The following ALDH1L1 variants were observed in gnomAD, a reference collection of about 807,000 sequenced individuals.
ALDH1L1 encodes the protein cytosolic 10-formyltetrahydrofolate dehydrogenase.
A neutral mutation model predicts 101.1 loss-of-function variants in ALDH1L1; 68 were observed. The ratio of observed to expected loss-of-function variants is 0.67; its 90% CI spans 0.55 to 0.82. ALDH1L1 has a LOEUF of 0.82. ALDH1L1 is among the 40% of genes least tolerant of loss of function. The pLI is 0.00. For missense variants in ALDH1L1, 1,087 were observed against 1,172.7 expected (o/e 0.93, Z 1.07); for synonymous variants, 486 against 470.8 (o/e 1.03, Z -0.42).
At chr3:126,137,997 G>T (rs1312144049) in intron 9 of ALDH1L1, 37 bp from the exon 10 acceptor site, 2 of 1,612,028 alleles carry the variant, frequency 1.2e-6, no homozygotes, top group Admixed American at 3.3e-5. Flanking sequence ...GACACGGGAG[G>T]GGCTCAGCAG....
chr3:126,114,741 G>T, intron 17 of ALDH1L1, 85 bp from the exon 18 acceptor site: 1 of 1,279,184 alleles, frequency 7.8e-7, no homozygotes, highest in African/African-American at 1.5e-5. Context: ...ACCTGGGTAG[G>T]CCCAAAGCAT....
intron 1 of ALDH1L1, among the ~76,000 whole-genome samples, chr3:126,170,556 T>C (rs1364313641): frequency 6.6e-6 from 1 of 151,916 alleles, no homozygotes; most frequent in Non-Finnish European, 1.5e-5. Flanking sequence ...ACCGACAGAA[T>C]CATGGCCATT....
chr3:126,160,512 G>T, intron 2 of ALDH1L1: 1 of 242,990 alleles, frequency 4.1e-6, no homozygotes, highest in Non-Finnish European at 7.9e-6. Flanking sequence ...TTCAGAATAT[G>T]GACCCCCAGT....
chr3:126,116,303 C>T (rs2108199164), intron 17 of ALDH1L1, among the ~76,000 whole-genome samples: 1 of 151,596 alleles, frequency 6.6e-6, no homozygotes, highest in Middle Eastern at 3.4e-3. Flanking sequence ...GAGTGCAGTG[C>T]GTGATCTCGG....
At chr3:126,137,671 G>A in intron 10 of ALDH1L1, 142 bp downstream of exon 10, 1 of 1,198,630 alleles carries the variant, frequency 8.3e-7, no homozygotes, top group Non-Finnish European at 1.2e-6. Flanking sequence ...CCGGGTGCAG[G>A]GAGAGTGTGG....
At chr3:126,132,256 C>CG in intron 12 of ALDH1L1, among the ~76,000 whole-genome samples, 1 of 152,298 alleles carries the variant, frequency 6.6e-6, no homozygotes, top group African/African-American at 2.4e-5. Context: ...CAGGGCAGCT[C>CG]GGGCCCAGAG....
At chr3:126,116,215 T>C (rs1299216070) in intron 17 of ALDH1L1, among the ~76,000 whole-genome samples, 1 of 151,700 alleles carries the variant, frequency 6.6e-6, no homozygotes, top group Non-Finnish European at 1.5e-5. Context: ...AATGTTCAAA[T>C]TGAGGTACTT....
chr3:126,130,425 A>G, intron 13 of ALDH1L1, 132 bp from the exon 14 acceptor site: 1 of 720,202 alleles, frequency 1.4e-6, no homozygotes, highest in Non-Finnish European at 2.0e-6. Flanking sequence ...GAGGCTTGAG[A>G]GACAGGCAGG....
intron 1 of ALDH1L1, among the ~76,000 whole-genome samples, chr3:126,179,265 C>A (rs575201527): frequency 4.5e-4 from 69 of 152,394 alleles, no homozygotes; most frequent in African/African-American, 1.6e-3. Context: ...CAATTCCCAG[C>A]CCAGGCTTGG....
chr3:126,111,707 G>A (rs562506726), intron 19 of ALDH1L1, among the ~76,000 whole-genome samples: 7 of 152,280 alleles, frequency 4.6e-5, no homozygotes, highest in Admixed American at 1.3e-4. Flanking sequence ...CTCATAGGCC[G>A]TCTTTTTCCC....
At chr3:126,197,090 A>G (rs2081585722) in intron 1 of ALDH1L1, among the ~76,000 whole-genome samples, 1 of 152,208 alleles carries the variant, frequency 6.6e-6, no homozygotes. Context: ...CAAGATGGAG[A>G]CCTAATCCAG....
rs564164328 is a variant in ALDH1L1 at position 126,150,658 on chromosome 3, G to A, written c.859-127C>T. 5.1e-5 allele frequency: 59 copies of A among 1,164,708 alleles called. 5 individuals are homozygous for A. In the South Asian group the frequency reaches 7.0e-4, roughly 14 times the overall value. The allele number at this position is 1,164,708 out of a possible 1,614,324, so 72.1% of individuals were successfully genotyped here. On this transcript the variant is annotated intron_variant, in intron 7 of 22. Coordinates refer to ENST00000393434, the MANE Select transcript of ALDH1L1 (RefSeq NM_012190.4). ...CAACCTCCGCCTCCCGGGTTGAAGCGATTCTCCTGCCTCAGCCCTCCTGAA... is the reference window on the plus strand; with the variant it reads ...CAACCTCCGCCTCCCGGGTTGAAGCAATTCTCCTGCCTCAGCCCTCCTGAA...
intron 20 of ALDH1L1, among the ~76,000 whole-genome samples, chr3:126,108,997 T>C (rs1163124581): frequency 6.6e-6 from 1 of 152,170 alleles, no homozygotes; most frequent in African/African-American, 2.4e-5. Flanking sequence ...GCTGTGACAC[T>C]GAGCGAGGCA....
chr3:126,141,242 C>T (rs1023834893), intron 9 of ALDH1L1, among the ~76,000 whole-genome samples: 1 of 151,988 alleles, frequency 6.6e-6, no homozygotes, highest in Non-Finnish European at 1.5e-5. Context: ...CCTAACACAG[C>T]CCTAAAATAT....
chr3:126,105,250 C>T (rs1224469865), intron 22 of ALDH1L1: 1 of 253,102 alleles, frequency 4.0e-6, no homozygotes, highest in Non-Finnish European at 7.8e-6. Context: ...GCCCATGGGC[C>T]TTCAATCTGG....
intron 8 of ALDH1L1, among the ~76,000 whole-genome samples, chr3:126,150,147 C>T (rs2108278180): frequency 6.6e-6 from 1 of 152,324 alleles, no homozygotes; most frequent in African/African-American, 2.4e-5. Flanking sequence ...GCTTCTGTTT[C>T]ACTTATTAAG....
rs140544200 is a variant in ALDH1L1, at chr3:126,137,288, G to A, written c.1225-405C>T. 4.1e-3 allele frequency among the ~76,000 whole-genome samples: 621 copies of A among 152,192 alleles called. 6 individuals are homozygous for A. The highest frequency in any genetic ancestry group is 0.014 in the African/African-American group (580 of 41,516). ...ATGATCCTCCTCCTGAAATCTGTTC[G>A]TCAGTCATTTGTCCTCAATCCCAAG... On this transcript the variant is annotated intron_variant, in intron 10 of 22. Transcript: ENST00000393434.
chr3:126,181,060 G>A (rs2081468318), upstream of ALDH1L1: 2 of 1,523,630 alleles, frequency 1.3e-6, no homozygotes, highest in Non-Finnish European at 1.8e-6. Context: ...TGCGCATCCG[G>A]GTGGATAGCG....
chr3:126,124,925 C>T (rs916047944), intron 15 of ALDH1L1, among the ~76,000 whole-genome samples: 1 of 152,140 alleles, frequency 6.6e-6, no homozygotes, highest in African/African-American at 2.4e-5. Context: ...ATGCCCTTGC[C>T]GCGAAATTAC....
Sources: allele counts gnomAD v4.1 joint callset (sites outside exome capture counted in the v4.1 genomes callset), GRCh38; gene constraint gnomAD v4.1.1; transcripts MANE v1.5; gene names NCBI Gene and HGNC (gene_info 2026-07-23, HGNC 2026-07-21).